PPARGC1A: variants seen among roughly 807,000 people sequenced by gnomAD.
PPARGC1A encodes peroxisome proliferator-activated receptor gamma coactivator 1-alpha.
In PPARGC1A, 25 loss-of-function variants were observed where a neutral mutation model predicts 88.7. The observed-to-expected ratio is 0.28, with a 90% CI of 0.21 to 0.39. The LOEUF (loss-of-function observed/expected upper bound fraction) is 0.39. Ranked by LOEUF, PPARGC1A falls within the 10% of genes least tolerant of loss-of-function variation. The pLI, the probability that PPARGC1A is intolerant of heterozygous loss-of-function variation, is 1.00. For missense variants in PPARGC1A, 880 were observed against 968.7 expected, an observed-to-expected ratio of 0.91 and a Z score of 1.22; for synonymous variants, 363 against 355.6, an observed-to-expected ratio of 1.02 and a Z score of -0.24.
chr4:23,962,556 T>G, the PPARGC1A span, among the ~76,000 whole-genome samples: 1 of 152,100 alleles, frequency 6.6e-6, no homozygotes, highest in African/African-American at 2.4e-5. Flanking sequence ...AAATCCAAAC[T>G]GGGTGTTGGA....
the PPARGC1A span, among the ~76,000 whole-genome samples, chr4:24,165,305 T>C: frequency 2.0e-5 from 3 of 152,146 alleles, no homozygotes; most frequent in African/African-American, 7.2e-5. Flanking sequence ...AGGCACACTA[T>C]ATGCAAAAAT....
chr4:24,258,894 C>A, the PPARGC1A span, among the ~76,000 whole-genome samples: 2 of 152,134 alleles, frequency 1.3e-5, no homozygotes, highest in African/African-American at 4.8e-5. Flanking sequence ...TTATTGAGTT[C>A]TTACTATGTG....
chr4:24,059,695 A>C, the PPARGC1A span, among the ~76,000 whole-genome samples: 40,762 of 152,064 alleles, frequency 0.27, 5,938 homozygotes, highest in Non-Finnish European at 0.3. Flanking sequence ...AGAGCAAATA[A>C]ATGTCATCAG....
the PPARGC1A span, among the ~76,000 whole-genome samples, chr4:24,226,982 C>G: frequency 3.3e-5 from 5 of 152,302 alleles, no homozygotes; most frequent in East Asian, 9.7e-4. Context: ...CCTATCTTGG[C>G]TCTCTGTTAT....
chr4:23,813,873 G>A lies in PPARGC1A; in HGVS notation c.1610C>T (p.Ser537Phe). 1.2e-6 allele frequency: 2 copies of A among 1,614,020 alleles called. No homozygotes were observed. Among genetic ancestry groups the A allele is most frequent in the Non-Finnish European group, 1.7e-6 (2 of 1,179,938 alleles). Residue 537 changes from serine (S) to phenylalanine (F), a missense_variant, in exon 8 of 13, where the codon TCT (serine) becomes TTT (phenylalanine). Transcript: ENST00000264867. ...GTQSYSLFNV[S>F]PSCSSFNSPC... is the part of the protein sequence containing the mutation. ...AGAGTTAAAAGAAGAACAAGAAGGA[G>A]ACACATTGAACAATGAATAGGATTG...
At chr4:24,395,848 C>T in the PPARGC1A span, among the ~76,000 whole-genome samples, 4 of 152,270 alleles carry the variant, frequency 2.6e-5, no homozygotes, top group South Asian at 8.3e-4. Context: ...AGTATGGCTC[C>T]AAATGTGGTG....
the PPARGC1A span, among the ~76,000 whole-genome samples, chr4:24,269,683 A>ATCAT: frequency 2.9e-4 from 41 of 141,772 alleles, no homozygotes; most frequent in East Asian, 1.3e-3. Context: ...CATCATCATC[A>ATCAT]CACAAAAAAA....
At chr4:24,463,314 G>T in the PPARGC1A span, among the ~76,000 whole-genome samples, 4 of 152,162 alleles carry the variant, frequency 2.6e-5, no homozygotes, top group Non-Finnish European at 5.9e-5. Context: ...AAACTCTTCA[G>T]ATTCCCACTT....
the PPARGC1A span, among the ~76,000 whole-genome samples, chr4:24,215,712 C>T: frequency 6.6e-6 from 1 of 152,124 alleles, no homozygotes; most frequent in South Asian, 2.1e-4. Context: ...TGGTTTTCCT[C>T]CCTCCTGTAG....
At chr4:24,471,761 T>C in the PPARGC1A span, among the ~76,000 whole-genome samples, 1 of 152,234 alleles carries the variant, frequency 6.6e-6, no homozygotes. The surrounding 1 kb of genome is among the most constrained non-coding windows in gnomAD (Gnocchi z 5.4). Flanking sequence ...TAAGTGTGTT[T>C]GTGGGGTGCT....
chr4:24,470,386 G>A, the PPARGC1A span, among the ~76,000 whole-genome samples: 2 of 151,938 alleles, frequency 1.3e-5, no homozygotes, highest in Non-Finnish European at 2.9e-5. This position sits in a 1 kb window ranked among gnomAD's most constrained non-coding sequence, Gnocchi z 5.8. Flanking sequence ...TGCGGAGCCG[G>A]AGTGGTCGTT....
At chr4:24,470,187 C>A in the PPARGC1A span, among the ~76,000 whole-genome samples, 1 of 151,746 alleles carries the variant, frequency 6.6e-6, no homozygotes, top group African/African-American at 2.4e-5. The surrounding 1 kb of genome is among the most constrained non-coding windows in gnomAD (Gnocchi z 5.8). Flanking sequence ...GCCGGCCGGG[C>A]TTGTACCGGG....
At chr4:23,864,940 T>A (rs878950173) in intron 2 of PPARGC1A, among the ~76,000 whole-genome samples, 6 of 152,094 alleles carry the variant, frequency 3.9e-5, no homozygotes, top group Non-Finnish European at 8.8e-5. Context: ...CCCTAGCACT[T>A]TGGGAGGCCA....
chr4:23,798,102 C>T (rs1467986138), intron 12 of PPARGC1A, among the ~76,000 whole-genome samples: 5 of 151,952 alleles, frequency 3.3e-5, no homozygotes, highest in Admixed American at 1.3e-4. Flanking sequence ...TTTTCCTTTA[C>T]CTACCCAAAT....
At chr4:24,089,443 G>A in the PPARGC1A span, among the ~76,000 whole-genome samples, 1 of 151,564 alleles carries the variant, frequency 6.6e-6, no homozygotes. Flanking sequence ...AATGCCAAGA[G>A]TCAGTGAAAC....
intron 2 of PPARGC1A, among the ~76,000 whole-genome samples, chr4:23,863,773 G>A (rs1278434112): frequency 6.6e-6 from 1 of 152,154 alleles, no homozygotes; most frequent in Non-Finnish European, 1.5e-5. Flanking sequence ...TTGAGACAGA[G>A]TTTAGCTCTG....
the PPARGC1A span, among the ~76,000 whole-genome samples, chr4:24,264,239 T>C: frequency 0.15 from 22,538 of 150,836 alleles, 2,079 homozygotes; most frequent in Middle Eastern, 0.3. Context: ...GTGTGGAGGG[T>C]TGGCATACCC....
chr4:23,863,437 T>G (rs1443079389), intron 2 of PPARGC1A, among the ~76,000 whole-genome samples: 1 of 152,184 alleles, frequency 6.6e-6, no homozygotes, highest in Non-Finnish European at 1.5e-5. Flanking sequence ...GAAATGAGCA[T>G]GCTAGATGAA....
At chr4:24,321,112 C>T in the PPARGC1A span, among the ~76,000 whole-genome samples, 1 of 152,182 alleles carries the variant, frequency 6.6e-6, no homozygotes, top group Non-Finnish European at 1.5e-5. Flanking sequence ...TCTGCTAAGT[C>T]ATCCTGTAAA....
Sources: allele counts gnomAD v4.1 joint callset (sites outside exome capture counted in the v4.1 genomes callset), GRCh38; gene constraint gnomAD v4.1.1; non-coding constraint Gnocchi (gnomAD v3.1); transcripts MANE v1.5; gene names NCBI Gene and HGNC (gene_info 2026-07-23, HGNC 2026-07-21).